The following ASB4 variants were observed in gnomAD, a reference collection of about 807,000 sequenced individuals.
ASB4 encodes the protein ankyrin repeat and SOCS box containing 4, also known as ankyrin repeat and SOCS box protein 4.
In ASB4, 35 loss-of-function variants were observed where a neutral mutation model predicts 38.6. The observed-to-expected ratio is 0.91, with a 90% CI of 0.69 to 1.20. The LOEUF is 1.20. ASB4 is among the 50% of genes most tolerant of loss of function. The pLI is 0.00. For synonymous variants in ASB4, 195 were observed against 201.3 expected, an observed-to-expected ratio of 0.97 and a Z score of 0.26; for missense variants, 557 against 527.2, an observed-to-expected ratio of 1.06 and a Z score of -0.55.
At chr7:95,528,453 A>G (rs1790776421) in intron 3 of ASB4, 150 bp downstream of exon 3, 1 of 1,466,444 alleles carries the variant, frequency 6.8e-7, no homozygotes, top group Non-Finnish European at 9.0e-7. Flanking sequence ...ACCTAATCCT[A>G]GCTGTCTCCT....
rs1462300270 is a variant in ASB4 at position 95,528,274 on chromosome 7, G to T, written c.949G>T (p.Ala317Ser). The change falls in exon 3 of 5, where the codon GCC becomes TCC. Residue 317 changes from alanine (A) to serine (S), a missense_variant. Transcript: ENST00000325885. Reference sequence around the variant, plus strand: ...CCAGCTCCTGTTGAACCATGGGGCTGCCCGAATATACCCTCCACAGTTCCA... The same window carrying T: ...CCAGCTCCTGTTGAACCATGGGGCTTCCCGAATATACCCTCCACAGTTCCA... Reference protein sequence around the residue: ...CYQLLLNHGAARIYPPQFHKV... With the variant: ...CYQLLLNHGASRIYPPQFHKV... 6.2e-7 allele frequency: 1 copy of T among 1,614,140 alleles called. No individual in the cohort carries two copies. The highest frequency in any genetic ancestry group is 1.1e-5 in the South Asian group (1 of 91,084).
chr7:95,533,387 T>C (rs868293961), intron 3 of ASB4, among the ~76,000 whole-genome samples: 4 of 152,238 alleles, frequency 2.6e-5, no homozygotes, highest in African/African-American at 9.6e-5. Context: ...CTTCGTGCTG[T>C]GACACCAAGG....
intron 2 of ASB4, among the ~76,000 whole-genome samples, chr7:95,515,290 TTTC>T (rs1790559607): frequency 8.1e-6 from 1 of 123,132 alleles, no homozygotes. Flanking sequence ...TCTTTCTTTC[TTTC>T]TTTCTTTCTT....
chr7:95,511,113 T>C (rs1790473054), intron 2 of ASB4, among the ~76,000 whole-genome samples: 1 of 152,294 alleles, frequency 6.6e-6, no homozygotes, highest in Admixed American at 6.5e-5. Context: ...GGGGAAATGA[T>C]GAAAGCTCAG....
chr7:95,491,594 G>T (rs1399822763), intron 1 of ASB4, among the ~76,000 whole-genome samples: 1 of 152,214 alleles, frequency 6.6e-6, no homozygotes, highest in Non-Finnish European at 1.5e-5. Flanking sequence ...TGTAAAAAAT[G>T]AATCTGCCTC....
intron 2 of ASB4, among the ~76,000 whole-genome samples, chr7:95,513,333 TCAGAGA>T (rs1166922681): frequency 4.7e-5 from 3 of 64,486 alleles, no homozygotes; most frequent in Non-Finnish European, 9.5e-5. Context: ...GTGTGTGTGT[TCAGAGA>T]CAGGGAATGG....
chr7:95,481,928 G>A (rs1790024157), upstream of ASB4, among the ~76,000 whole-genome samples: 1 of 152,194 alleles, frequency 6.6e-6, no homozygotes, highest in South Asian at 2.1e-4. Flanking sequence ...AGGAATTTCT[G>A]ACAGGCCTGA....
chr7:95,549,593 G>C, the ASB4 span, among the ~76,000 whole-genome samples: 1 of 151,942 alleles, frequency 6.6e-6, no homozygotes, highest in Non-Finnish European at 1.5e-5. Flanking sequence ...CACCGCGCCC[G>C]GCCGAGACTC....
intron 1 of ASB4, among the ~76,000 whole-genome samples, chr7:95,492,014 C>T (rs1790178501): frequency 6.6e-6 from 1 of 152,218 alleles, no homozygotes; most frequent in African/African-American, 2.4e-5. Context: ...AGCCTGCAAA[C>T]TGTCCTCTTG....
intron 4 of ASB4, among the ~76,000 whole-genome samples, chr7:95,537,078 G>C (rs957888580): frequency 4.6e-5 from 7 of 152,158 alleles, no homozygotes; most frequent in Non-Finnish European, 8.8e-5. Context: ...CTTGGTTTTA[G>C]ATGTCAAAGT....
upstream of ASB4, among the ~76,000 whole-genome samples, chr7:95,481,865 A>T (rs1790023827): frequency 6.6e-6 from 1 of 152,208 alleles, no homozygotes; most frequent in African/African-American, 2.4e-5. Context: ...AAACAGTAAT[A>T]AAAAGCTCAT....
intron 3 of ASB4, among the ~76,000 whole-genome samples, chr7:95,534,557 A>G (rs1204531932): frequency 6.6e-6 from 1 of 151,680 alleles, no homozygotes; most frequent in Non-Finnish European, 1.5e-5. Context: ...TAGCCCTGAC[A>G]CCAGCCTGGG....
At chr7:95,519,510 C>A (rs1790631011) in intron 2 of ASB4, among the ~76,000 whole-genome samples, 1 of 152,152 alleles carries the variant, frequency 6.6e-6, no homozygotes, top group African/African-American at 2.4e-5. Flanking sequence ...AAGCCTATAC[C>A]AGCCCAGCAG....
At chr7:95,535,101 G>T (rs138342161) in intron 3 of ASB4, among the ~76,000 whole-genome samples, 1 of 152,194 alleles carries the variant, frequency 6.6e-6, no homozygotes, top group East Asian at 1.9e-4. Flanking sequence ...CTCTTACTTA[G>T]TTGGATATTA....
the ASB4 span, among the ~76,000 whole-genome samples, chr7:95,548,681 G>C: frequency 1.7e-3 from 266 of 152,272 alleles, 2 homozygotes; most frequent in East Asian, 0.028. Flanking sequence ...CAAAATTGCT[G>C]CTGAAATCTG....
At chr7:95,546,702 G>A in the ASB4 span, among the ~76,000 whole-genome samples, 1 of 152,164 alleles carries the variant, frequency 6.6e-6, no homozygotes, top group Non-Finnish European at 1.5e-5. Flanking sequence ...GTCATCCTTG[G>A]ATTTCATTCT....
chr7:95,522,400 AAAT>A (rs3046864), intron 2 of ASB4, among the ~76,000 whole-genome samples: 36,689 of 151,996 alleles, frequency 0.24, 4,430 homozygotes, highest in Middle Eastern at 0.35. Flanking sequence ...GGGCTTAAGC[AAAT>A]AATATTTCAT....
At chr7:95,535,416 G>A (rs918714380) in intron 3 of ASB4, among the ~76,000 whole-genome samples, 2 of 152,124 alleles carry the variant, frequency 1.3e-5, no homozygotes, top group African/African-American at 4.8e-5. Context: ...CCCTCAGAAA[G>A]GTTGATTTAT....
upstream of ASB4, among the ~76,000 whole-genome samples, chr7:95,475,906 T>C (rs1789972431): frequency 6.6e-6 from 1 of 152,218 alleles, no homozygotes; most frequent in African/African-American, 2.4e-5. Flanking sequence ...GGTGCCTTCC[T>C]AAATGGCATC....
Sources: gnomAD v4.1 joint callset for allele counts (sites outside exome capture counted in the v4.1 genomes callset) on GRCh38, gnomAD v4.1.1 for gene constraint, MANE v1.5 for transcripts, NCBI Gene and HGNC (gene_info 2026-07-23, HGNC 2026-07-21) for gene names.